The following OR52A1 variants were observed in gnomAD, a reference collection of about 807,000 sequenced individuals.
The protein encoded by OR52A1 is olfactory receptor 52A1.
Under a neutral mutation model 14.3 loss-of-function variants are expected in OR52A1, and 14 were observed. The ratio of observed to expected loss-of-function variants is 0.98; its 90% CI spans 0.65 to 1.54. The LOEUF (loss-of-function observed/expected upper bound fraction) is 1.54. Ranked by LOEUF, OR52A1 falls within the 40% of genes most tolerant of loss-of-function variation. The probability of loss-of-function intolerance (pLI) is 0.00; values close to 1 mark genes in which losing one functional copy is unlikely to be tolerated. For missense variants in OR52A1, 405 were observed against 381.3 expected (o/e 1.06, Z -0.52); for synonymous variants, 151 against 135.3 (o/e 1.12, Z -0.80).
In OR52A1 at chr11:5,148,701, A is replaced by C. The variant is rs1846510256; in HGVS notation, c.*2730T>G. The C allele has an allele frequency of 6.6e-6, 1 of 152,220 alleles. No homozygotes were observed. Among genetic ancestry groups the C allele is most frequent in the Admixed American group, 6.5e-5 (1 of 15,280 alleles). The allele number at this position is 152,220 out of a possible 1,614,324, so 9.4% of individuals were successfully genotyped here. A position where few individuals can be genotyped will look rare whatever the true frequency, so the allele number is the denominator to read the frequency against. On this transcript the variant is annotated 3_prime_UTR_variant, in exon 2 of 2. Transcript: ENST00000380367. ...AGTCCTGAGCAATAAAGCCCTTGGA[A>C]ATAATTCAATATTTACTCATCAAAT...
intron 1 of OR52A1, among the ~76,000 whole-genome samples, 176 bp downstream of exon 1, chr11:5,154,271 G>C (rs1275101258): frequency 6.6e-6 from 1 of 152,154 alleles, no homozygotes; most frequent in Non-Finnish European, 1.5e-5. Flanking sequence ...GTGTATGTAA[G>C]TTCCTGGTTA....
In OR52A1 at chr11:5,146,934, T is replaced by C. The variant is rs562615143; in HGVS notation, c.*4497A>G. 16 of 152,350 alleles carry C rather than the reference T, an allele frequency of 1.1e-4. No individual in the cohort carries two copies. The South Asian group carries it at 3.3e-3, about 32-fold the overall frequency. 9.4% of individuals were successfully genotyped at this position (152,350 alleles called of 1,614,324 possible). ...CATCTAAATCTGAAATCTTAGAATATAGGGCAGAGGTATTTATCAGAACTC... is the reference window on the plus strand; with the variant it reads ...CATCTAAATCTGAAATCTTAGAATACAGGGCAGAGGTATTTATCAGAACTC... On this transcript the variant is annotated 3_prime_UTR_variant, in exon 2 of 2. Transcript: ENST00000380367.
At chr11:5,154,298 G>T (rs1490273022) in intron 1 of OR52A1, 149 bp downstream of exon 1, 4 of 152,194 alleles carry the variant, frequency 2.6e-5, no homozygotes, top group African/African-American at 9.7e-5. Context: ...TAGAGTGATT[G>T]TTATTGGAGA....
Position 5,148,782 on chromosome 11 carries a change from CAAT to C in OR52A1, c.*2646_*2648del, listed in dbSNP as rs1174712509. ...AAATTAGAAAAATGAACAAAGGAAA[CAAT>C]GAAGTACTTCACATAAAGAATGTAC... On this transcript the variant is annotated 3_prime_UTR_variant, in exon 2 of 2. Transcript: ENST00000380367. The C allele has an allele frequency of 6.6e-6, 1 of 151,950 alleles. No homozygotes were observed. Among genetic ancestry groups the C allele is most frequent in the Non-Finnish European group, 1.5e-5 (1 of 67,976 alleles). 9.4% of individuals were successfully genotyped at this position (151,950 alleles called of 1,614,324 possible).
intron 1 of OR52A1, among the ~76,000 whole-genome samples, chr11:5,153,982 AG>A (rs1846579769): frequency 1.3e-5 from 2 of 152,202 alleles, no homozygotes; most frequent in Admixed American, 1.3e-4. Flanking sequence ...ATTTCATGAC[AG>A]GGAGGCTGTA....
chr11:5,151,942 A>G lies in OR52A1; in HGVS notation c.428T>C (p.Val143Ala). 6.2e-7 allele frequency: 1 copy of G among 1,614,072 alleles called. No homozygotes were observed. Among genetic ancestry groups the G allele is most frequent in the Non-Finnish European group, 8.5e-7 (1 of 1,179,992 alleles). ...RHANIFTHQL[V>A]IQIGTMVVLR... ...TACGACCATAGTTCCTATCTGAATGACAAGCTGGTGGGTGAAGATGTTGGC... is the reference window on the plus strand; with the variant it reads ...TACGACCATAGTTCCTATCTGAATGGCAAGCTGGTGGGTGAAGATGTTGGC... Residue 143 changes from valine to alanine, a missense_variant, in exon 2 of 2, where the codon GTC (valine) becomes GCC (alanine). Coordinates refer to ENST00000380367, the MANE Select transcript of OR52A1 (RefSeq NM_012375.3).
chr11:5,151,484 C>A lies in OR52A1; in HGVS notation c.886G>T (p.Gly296Cys). The A allele has an allele frequency of 6.2e-7, 1 of 1,613,836 alleles. No homozygotes were observed. The change falls in exon 2 of 2, where the codon GGT becomes TGT. Residue 296 changes from glycine to cysteine, a missense_variant. Coordinates refer to ENST00000380367, the MANE Select transcript of OR52A1 (RefSeq NM_012375.3). Reference protein sequence around the residue: ...VPPFLNPLVYGAKTTQIRIHV... With the variant: ...VPPFLNPLVYCAKTTQIRIHV... ...ATGCGAATCTGTGTGGTCTTTGCACCATAGACAAGTGGATTGAGAAATGGA... is the reference window on the plus strand; with the variant it reads ...ATGCGAATCTGTGTGGTCTTTGCACAATAGACAAGTGGATTGAGAAATGGA...
chr11:5,154,431 T>A lies in OR52A1; in HGVS notation c.-322+16A>T, dbSNP rs1846586242. Reference sequence around the variant, plus strand: ...AATATTGTCCATTTTTCATAACACTTTCATTCATCACTCACCAATTTTTCT... The same window carrying A: ...AATATTGTCCATTTTTCATAACACTATCATTCATCACTCACCAATTTTTCT... On this transcript the variant is annotated intron_variant, in intron 1 of 1. Coordinates refer to ENST00000380367, the MANE Select transcript of OR52A1 (RefSeq NM_012375.3). 3.3e-5 allele frequency: 5 copies of A among 152,216 alleles called. No homozygotes were observed. 9.4% of individuals were successfully genotyped at this position (152,216 alleles called of 1,614,324 possible).
chr11:5,151,528 C>G lies in OR52A1; in HGVS notation c.842G>C (p.Ser281Thr). The G allele has an allele frequency of 2.5e-6, 4 of 1,613,720 alleles. No homozygotes were observed. Among genetic ancestry groups the G allele is most frequent in the Non-Finnish European group, 3.4e-6 (4 of 1,179,898 alleles). The stretch of plus-strand genomic sequence containing the variant: ...AAATGGAGGGACCAGCAAGTAAATG[C>G]TAGAAAAGAGAATATGGATATAAGG... Reference protein sequence around the residue: ...ISPYIHILFSSIYLLVPPFLN... With the variant: ...ISPYIHILFSTIYLLVPPFLN... Residue 281 changes from serine to threonine, a missense_variant, in exon 2 of 2, where the codon AGC (serine) becomes ACC (threonine). Physicochemically the swap from Ser to Thr is moderately conservative, Grantham distance 58 (BLOSUM62 1). Coordinates refer to ENST00000380367, the MANE Select transcript of OR52A1 (RefSeq NM_012375.3).
In OR52A1 at chr11:5,147,489, C is replaced by A. The variant is rs1846492856; in HGVS notation, c.*3942G>T. ...ATCAAGAGAGAATTCTGCCAGGAGA[C>A]TGCCTTTGGACTTAAATTACAACAC... On this transcript the variant is annotated 3_prime_UTR_variant, in exon 2 of 2. Transcript: ENST00000380367. The A allele has an allele frequency of 6.6e-6, 1 of 152,198 alleles. No homozygotes were observed. The highest frequency in any genetic ancestry group is 1.5e-5 in the Non-Finnish European group (1 of 68,054). The allele number at this position is 152,198 out of a possible 1,614,324, so 9.4% of individuals were successfully genotyped here. A position where few individuals can be genotyped will look rare whatever the true frequency, so the allele number is the denominator to read the frequency against.
In OR52A1 at chr11:5,152,338, G is replaced by A; in HGVS notation, c.32C>T (p.Pro11Leu). 3 of 1,610,338 alleles carry A rather than the reference G, an allele frequency of 1.9e-6. No homozygotes were observed. The highest frequency in any genetic ancestry group is 1.7e-6 in the Non-Finnish European group (2 of 1,177,250). ...GATCCCTACTAGTGTCAACACAGAG[G>A]GCATGTAGACTGTGATGTTGGAAAT... MSISNITVYMPSVLTLVGIPG... is the reference protein window; with the variant it reads MSISNITVYMLSVLTLVGIPG... Residue 11 changes from proline (P) to leucine (L), a missense_variant, in exon 2 of 2, where the codon CCC (proline) becomes CTC (leucine). Physicochemically the swap from Pro to Leu is moderately conservative, Grantham distance 98 (BLOSUM62 -3). Coordinates refer to ENST00000380367, the MANE Select transcript of OR52A1 (RefSeq NM_012375.3).
chr11:5,151,825 C>T lies in OR52A1; in HGVS notation c.545G>A (p.Cys182Tyr). The change falls in exon 2 of 2, where the codon TGT (cysteine) becomes TAT (tyrosine). Residue 182 changes from cysteine (C) to tyrosine (Y), a missense_variant. Physicochemically the swap from Cys to Tyr is radical, Grantham distance 194. Coordinates refer to ENST00000380367, the MANE Select transcript of OR52A1 (RefSeq NM_012375.3). Reference protein sequence around the residue: ...YHTTVISHSYCEHMAIVKLAA... With the variant: ...YHTTVISHSYYEHMAIVKLAA... ...TAGTTTCACAATGGCCATATGCTCA[C>T]AGTAGGAGTGGGAGATGACTGTTGT... 1 of 1,614,146 alleles carries T rather than the reference C, an allele frequency of 6.2e-7. No individual in the cohort carries two copies. Among genetic ancestry groups the T allele is most frequent in the Non-Finnish European group, 8.5e-7 (1 of 1,180,020 alleles).
rs1267682810 is a variant in OR52A1, at chr11:5,148,974, T to C, written c.*2457A>G. On this transcript the variant is annotated 3_prime_UTR_variant, in exon 2 of 2. Coordinates refer to ENST00000380367, the MANE Select transcript of OR52A1 (RefSeq NM_012375.3). ...TTAGTCATTGTTGAAATTGATGTAATCTCCTGGAAGTTAATTTTATGATTT... is the reference window on the plus strand; with the variant it reads ...TTAGTCATTGTTGAAATTGATGTAACCTCCTGGAAGTTAATTTTATGATTT... 6.6e-6 allele frequency: 1 copy of C among 152,246 alleles called. No individual in the cohort carries two copies. The highest frequency in any genetic ancestry group is 1.5e-5 in the Non-Finnish European group (1 of 68,036). The allele number at this position is 152,246 out of a possible 1,614,324, so 9.4% of individuals were successfully genotyped here. A position where few individuals can be genotyped will look rare whatever the true frequency, so the allele number is the denominator to read the frequency against.
rs1050478596 is a variant in OR52A1 at position 5,150,093 on chromosome 11, T to C, written c.*1338A>G. 2.0e-5 allele frequency: 3 copies of C among 152,112 alleles called. No individual in the cohort carries two copies. The highest frequency in any genetic ancestry group is 2.9e-5 in the Non-Finnish European group (2 of 68,032). The allele number at this position is 152,112 out of a possible 1,614,324, so 9.4% of individuals were successfully genotyped here. ...ATGACCTGAGGTTTTTCAAGAACAA[T>C]TGACTAGCCGTAAATTCTTATGCCA... is the stretch of plus-strand genomic sequence containing the variant. On this transcript the variant is annotated 3_prime_UTR_variant, in exon 2 of 2. Transcript: ENST00000380367.
Position 5,151,723 on chromosome 11 carries a change from A to G in OR52A1, c.647T>C (p.Phe216Ser). 6.2e-7 allele frequency: 1 copy of G among 1,614,218 alleles called. No homozygotes were observed. The highest frequency in any genetic ancestry group is 8.5e-7 in the Non-Finnish European group (1 of 1,180,030). ...TATCTGGATGTAGGACAATGTGATG[A>G]ATGTGAGGTCAAATCCTGCTACAGT... ...AFTVAGFDLT[F>S]ITLSYIQIFI... The change falls in exon 2 of 2, where the codon TTC (phenylalanine) becomes TCC (serine). Residue 216 changes from phenylalanine (F) to serine (S), a missense_variant. By Grantham distance (155) the Phe-to-Ser change is radical. Coordinates refer to ENST00000380367, the MANE Select transcript of OR52A1 (RefSeq NM_012375.3).
chr11:5,151,942 A>T lies in OR52A1; in HGVS notation c.428T>A (p.Val143Asp). ...TACGACCATAGTTCCTATCTGAATGACAAGCTGGTGGGTGAAGATGTTGGC... is the reference window on the plus strand; with the variant it reads ...TACGACCATAGTTCCTATCTGAATGTCAAGCTGGTGGGTGAAGATGTTGGC... ...RHANIFTHQL[V>D]IQIGTMVVLR... Residue 143 changes from valine to aspartate, a missense_variant, in exon 2 of 2, where the codon GTC becomes GAC. Val to Asp is a radical substitution (Grantham distance 152, BLOSUM62 -3). Transcript: ENST00000380367. 1 of 1,614,072 alleles carries T rather than the reference A, an allele frequency of 6.2e-7. No homozygotes were observed. The highest frequency in any genetic ancestry group is 1.3e-5 in the African/African-American group (1 of 75,050).
At position 5,152,452 on chromosome 11, in the gene OR52A1, A is replaced by T. The variant is rs1846560006; in HGVS notation, c.-83T>A. 3.2e-6 allele frequency: 3 copies of T among 946,738 alleles called. No individual in the cohort carries two copies. Among genetic ancestry groups the T allele is most frequent in the Non-Finnish European group, 3.2e-6 (2 of 633,306 alleles). The allele number at this position is 946,738 out of a possible 1,614,324, so 58.6% of individuals were successfully genotyped here. ...CCTCTTCTGCTTTCTGATTTTCTCC[A>T]AACTCATTATATTGAGTCTGTCTGA... On this transcript the variant is annotated 5_prime_UTR_variant, in exon 2 of 2. An upstream open reading frame in the 5' UTR gains an earlier in-frame stop. Transcript: ENST00000380367.
At position 5,151,611 on chromosome 11, in the gene OR52A1, C is replaced by T. The variant is rs1846543151; in HGVS notation, c.759G>A (p.Gln253=). 1 of 1,614,104 alleles carries T rather than the reference C, an allele frequency of 6.2e-7. No individual in the cohort carries two copies. The highest frequency in any genetic ancestry group is 8.5e-7 in the Non-Finnish European group (1 of 1,180,002). ...TCIAHICVFL[Q]FYLLAFFSFF... Reference sequence around the variant, plus strand: ...AGGAGAAGAAGGCAAGGAGGTAGAACTGGAGGAAGACACAGATGTGAGCAA... The same window carrying T: ...AGGAGAAGAAGGCAAGGAGGTAGAATTGGAGGAAGACACAGATGTGAGCAA... Residue 253 remains glutamine, a synonymous_variant, in exon 2 of 2, where the codon CAG becomes CAA. Coordinates refer to ENST00000380367, the MANE Select transcript of OR52A1 (RefSeq NM_012375.3).
chr11:5,152,192 G>T lies in OR52A1; in HGVS notation c.178C>A (p.Pro60Thr). Residue 60 changes from proline (P) to threonine (T), a missense_variant, in exon 2 of 2, where the codon CCC becomes ACC. Coordinates refer to ENST00000380367, the MANE Select transcript of OR52A1 (RefSeq NM_012375.3). ...IIKSERSLHE[P>T]LYIFLGMLGA... ...AGCATGCCTAAGAAAATGTACAAGG[G>T]CTCATGGAGACTGCGCTCAGATTTG... 6.2e-7 allele frequency: 1 copy of T among 1,614,144 alleles called. No individual in the cohort carries two copies. The highest frequency in any genetic ancestry group is 8.5e-7 in the Non-Finnish European group (1 of 1,180,014).
Sources: gnomAD v4.1 joint callset for allele counts (sites outside exome capture counted in the v4.1 genomes callset) on GRCh38, gnomAD v4.1.1 for gene constraint, MANE v1.5 for transcripts, NCBI Gene and HGNC (gene_info 2026-07-23, HGNC 2026-07-21) for gene names.